PIEZO2: variants seen among roughly 807,000 people sequenced by gnomAD.
PIEZO2 encodes the protein piezo-type mechanosensitive ion channel component 2.
In PIEZO2, 172 loss-of-function variants were observed where a neutral mutation model predicts 337.3. The observed-to-expected ratio is 0.51, with a 90% CI of 0.45 to 0.58. PIEZO2 has a LOEUF of 0.58. Ranked by LOEUF, PIEZO2 falls within the 20% of genes least tolerant of loss-of-function variation. PIEZO2 has a pLI of 0.00. For missense variants in PIEZO2, 3,028 were observed against 3,391.3 expected, an observed-to-expected ratio of 0.89 and a Z score of 2.66; for synonymous variants, 1,251 against 1,228.5, an observed-to-expected ratio of 1.02 and a Z score of -0.38.
chr18:11,010,112 G>T (rs908097637), intron 2 of PIEZO2, among the ~76,000 whole-genome samples: 14 of 152,154 alleles, frequency 9.2e-5, no homozygotes, highest in African/African-American at 3.4e-4. Flanking sequence ...TTAACCAATA[G>T]ATTCCTAATC....
In PIEZO2 at chr18:10,726,882, C is replaced by T. The variant is rs2036566287; in HGVS notation, c.5029+4525G>A. ...CACGCTACCGGCAGCAGCTGAAGCA[C>T]ATCATGGCCACCAACCGGCTGGATG... On this transcript the variant is annotated intron_variant, in intron 36 of 55. Coordinates refer to ENST00000674853, the MANE Select transcript of PIEZO2 (RefSeq NM_001378183.1). The surrounding 1 kb of genome is among the most constrained non-coding windows in gnomAD (Gnocchi z 5.9). 5.0e-6 allele frequency: 8 copies of T among 1,596,964 alleles called. No individual in the cohort carries two copies. Among genetic ancestry groups the T allele is most frequent in the Non-Finnish European group, 6.9e-6 (8 of 1,167,786 alleles).
At chr18:10,769,559 CA>C (rs66509317) in intron 21 of PIEZO2, among the ~76,000 whole-genome samples, 8,023 of 152,294 alleles carry the variant, frequency 0.053, 240 homozygotes, top group African/African-American at 0.08. Context: ...ATAATCCAGG[CA>C]TATAGAAGTA....
At chr18:10,751,924 AG>A (rs1313485392) in intron 28 of PIEZO2, among the ~76,000 whole-genome samples, 9 of 152,082 alleles carry the variant, frequency 5.9e-5, no homozygotes, top group Non-Finnish European at 1.5e-5. Flanking sequence ...ATGTCATGTT[AG>A]GGGAAGAGTT....
chr18:11,044,587 T>C (rs1253325519), intron 2 of PIEZO2, among the ~76,000 whole-genome samples: 2 of 152,168 alleles, frequency 1.3e-5, no homozygotes, highest in Non-Finnish European at 2.9e-5. Flanking sequence ...TAAAGAAATG[T>C]GTTGCAAAAA....
At chr18:10,909,117 C>T (rs780482364) in intron 4 of PIEZO2, among the ~76,000 whole-genome samples, 2 of 152,264 alleles carry the variant, frequency 1.3e-5, no homozygotes, top group Non-Finnish European at 1.5e-5. Context: ...GCAGGAAACA[C>T]GAAAACGATA....
At position 10,821,803 on chromosome 18, in the gene PIEZO2, CT is replaced by C. The variant is rs1381061313; in HGVS notation, c.918-14530del. On this transcript the variant is annotated intron_variant, in intron 7 of 55. Transcript: ENST00000674853. The surrounding 1 kb of genome is among the most constrained non-coding windows in gnomAD (Gnocchi z 4.2). The stretch of plus-strand genomic sequence containing the variant: ...CTTTCAACTTCTTCCACACTTTTGT[CT>C]TTCTTGAATTCTTAGCAGAGAATCT... Among the ~76,000 whole-genome samples the C allele has an allele frequency of 2.0e-5, 3 of 152,176 alleles. No homozygotes were observed. Among genetic ancestry groups the C allele is most frequent in the Non-Finnish European group, 2.9e-5 (2 of 68,022 alleles).
rs557330780 is a variant in PIEZO2 at position 10,792,964 on chromosome 18, T to C, written c.1759-1640A>G. On this transcript the variant is annotated intron_variant, in intron 13 of 55. Transcript: ENST00000674853. ...TTATTATCTGCCTTTTTAAAAATTA[T>C]AGCCATTCTGGCTGGGCACTATGGC... Among the ~76,000 whole-genome samples, 14 of 152,332 alleles carry C rather than the reference T, an allele frequency of 9.2e-5. 1 individual carries two copies. The East Asian group carries it at 1.9e-3, about 21-fold the overall frequency.
chr18:11,061,274 C>G (rs893790540), intron 2 of PIEZO2, among the ~76,000 whole-genome samples: 3 of 151,332 alleles, frequency 2.0e-5, no homozygotes, highest in Non-Finnish European at 2.9e-5. Flanking sequence ...TAAGAGCTAT[C>G]TATGACAAAC....
intron 3 of PIEZO2, among the ~76,000 whole-genome samples, chr18:10,971,197 T>C (rs905600323): frequency 3.9e-5 from 6 of 152,156 alleles, no homozygotes; most frequent in African/African-American, 1.2e-4. Context: ...AAAGCCATCT[T>C]CAAAATTTTG....
intron 7 of PIEZO2, among the ~76,000 whole-genome samples, chr18:10,845,303 A>T (rs78898323): frequency 0.046 from 6,954 of 151,878 alleles, 234 homozygotes; most frequent in South Asian, 0.076. Context: ...AATAATACTA[A>T]TTTTTTCCAG....
chr18:10,842,679 T>G (rs1176632899), intron 7 of PIEZO2, among the ~76,000 whole-genome samples: 11 of 152,208 alleles, frequency 7.2e-5, no homozygotes, highest in Non-Finnish European at 1.5e-5. Context: ...TTTCCCAGCC[T>G]CAGGTATTCC....
rs1002703830 is a variant in PIEZO2 at position 10,759,442 on chromosome 18, G to A, written c.3757+40C>T. The A allele has an allele frequency of 3.6e-5, 53 of 1,481,902 alleles. No individual in the cohort carries two copies. Among genetic ancestry groups the A allele is most frequent in the Non-Finnish European group, 4.3e-5 (47 of 1,098,288 alleles). The allele number at this position is 1,481,902 out of a possible 1,614,324, so 91.8% of individuals were successfully genotyped here. ...GTGAACAATGATTAACAGTAAACCC[G>A]GATACCAGCACTCTGTGGCCCTGCA... On this transcript the variant is annotated intron_variant, in intron 26 of 55. Coordinates refer to ENST00000674853, the MANE Select transcript of PIEZO2 (RefSeq NM_001378183.1). This position sits in a 1 kb window ranked among gnomAD's most constrained non-coding sequence, Gnocchi z 5.5.
In PIEZO2 at chr18:10,696,410, G is replaced by A. The variant is rs755677302; in HGVS notation, c.6957C>T (p.Phe2319=). Residue 2319 remains phenylalanine, a synonymous_variant, in exon 46 of 56, where the codon TTC becomes TTT. Coordinates refer to ENST00000674853, the MANE Select transcript of PIEZO2 (RefSeq NM_001378183.1). Reference sequence around the variant, plus strand: ...AACCTACCCCAAAGGCCCAAAAGCCGAAGACAATGATGATGAAGTCCACAG... The same window carrying A: ...AACCTACCCCAAAGGCCCAAAAGCCAAAGACAATGATGATGAAGTCCACAG... ...ADTVDFIIIV[F]GFWAFGKHSA... is the part of the protein sequence containing the mutation. 33 of 1,614,120 alleles carry A rather than the reference G, an allele frequency of 2.0e-5. No individual in the cohort carries two copies. Among genetic ancestry groups the A allele is most frequent in the South Asian group, 3.3e-5 (3 of 91,090 alleles).
In PIEZO2 at chr18:10,716,008, A is replaced by C. The variant is rs2035997700; in HGVS notation, c.5090-192T>G. Among the ~76,000 whole-genome samples, 1 of 152,236 alleles carries C rather than the reference A, an allele frequency of 6.6e-6. No individual in the cohort carries two copies. The highest frequency in any genetic ancestry group is 1.5e-5 in the Non-Finnish European group (1 of 68,046). ...AGGAAGCTTTTGTGGGGCTTTGCAC[A>C]CACGCAGTGGCAGACCAAATCAGGA... On this transcript the variant is annotated intron_variant, in intron 37 of 55. Coordinates refer to ENST00000674853, the MANE Select transcript of PIEZO2 (RefSeq NM_001378183.1). This position sits in a 1 kb window ranked among gnomAD's most constrained non-coding sequence, Gnocchi z 4.1.
chr18:11,000,587 C>T (rs1193820701), intron 2 of PIEZO2, among the ~76,000 whole-genome samples: 1 of 152,152 alleles, frequency 6.6e-6, no homozygotes, highest in Admixed American at 6.6e-5. Context: ...TCTTCATGAG[C>T]AGGGCTCATT....
chr18:10,770,326 C>A lies in PIEZO2; in HGVS notation c.2786-18G>T, dbSNP rs1436516039. On this transcript the variant is annotated intron_variant, in intron 20 of 55. Transcript: ENST00000674853. ...CCTTAAGTCTGCAAAATAGGAAGTACAGACAAGAGCATAACATTTTTAAAA... is the reference window on the plus strand; with the variant it reads ...CCTTAAGTCTGCAAAATAGGAAGTAAAGACAAGAGCATAACATTTTTAAAA... 4 of 1,522,156 alleles carry A rather than the reference C, an allele frequency of 2.6e-6. No homozygotes were observed. In the South Asian group the frequency reaches 4.9e-5, roughly 19 times the overall value. The allele number at this position is 1,522,156 out of a possible 1,614,324, so 94.3% of individuals were successfully genotyped here. A position where few individuals can be genotyped will look rare whatever the true frequency, so the allele number is the denominator to read the frequency against.
In PIEZO2 at chr18:10,682,007, G is replaced by T; in HGVS notation, c.7686+97C>A. 2 of 1,208,172 alleles carry T rather than the reference G, an allele frequency of 1.7e-6. No individual in the cohort carries two copies. Among genetic ancestry groups the T allele is most frequent in the Admixed American group, 2.7e-5 (1 of 36,700 alleles). The allele number at this position is 1,208,172 out of a possible 1,614,324, so 74.8% of individuals were successfully genotyped here. A position where few individuals can be genotyped will look rare whatever the true frequency, so the allele number is the denominator to read the frequency against. On this transcript the variant is annotated intron_variant, in intron 50 of 55. Coordinates refer to ENST00000674853, the MANE Select transcript of PIEZO2 (RefSeq NM_001378183.1). The surrounding 1 kb of genome is among the most constrained non-coding windows in gnomAD (Gnocchi z 5.6). Reference sequence around the variant, plus strand: ...CTGAGCAGTCAAATGCCGACAGCAGGGTCGGCAGCCCATGACTAAACACCC... The same window carrying T: ...CTGAGCAGTCAAATGCCGACAGCAGTGTCGGCAGCCCATGACTAAACACCC...
In PIEZO2 at chr18:11,097,381, C is replaced by T. The variant is rs1020253912; in HGVS notation, c.65-31159G>A. On this transcript the variant is annotated intron_variant, in intron 1 of 55. Transcript: ENST00000674853. This position sits in a 1 kb window ranked among gnomAD's most constrained non-coding sequence, Gnocchi z 5.0. ...CAAAGTCTCACGACTGCAACAGAGC[C>T]GGCGTGCTGTGCAACGCCTGACTCA... Among the ~76,000 whole-genome samples, 7 of 152,164 alleles carry T rather than the reference C, an allele frequency of 4.6e-5. No individual in the cohort carries two copies. The highest frequency in any genetic ancestry group is 1.7e-4 in the African/African-American group (7 of 41,444).
intron 2 of PIEZO2, among the ~76,000 whole-genome samples, chr18:10,990,835 CA>C (rs2145552996): frequency 6.6e-6 from 1 of 151,616 alleles, no homozygotes; most frequent in South Asian, 2.1e-4. Context: ...AACTGCCTTG[CA>C]TACCTGAAAT....
Sources: allele counts gnomAD v4.1 joint callset (sites outside exome capture counted in the v4.1 genomes callset), GRCh38; gene constraint gnomAD v4.1.1; non-coding constraint Gnocchi (gnomAD v3.1); transcripts MANE v1.5; gene names NCBI Gene and HGNC (gene_info 2026-07-23, HGNC 2026-07-21).